Variants in RAPGEF4 observed in about 807,000 individuals in gnomAD.
RAPGEF4 encodes Rap guanine nucleotide exchange factor 4.
RAPGEF4 carries 66 observed loss-of-function variants against 147.9 expected under a neutral mutation model. The observed-to-expected ratio is 0.45, with a 90% CI of 0.37 to 0.55. The LOEUF is 0.55. Among genes scored for constraint, RAPGEF4 ranks in the 20% least tolerant of loss-of-function variants. The probability of loss-of-function intolerance (pLI) is 0.00; values close to 1 mark genes in which losing one functional copy is unlikely to be tolerated. For synonymous variants in RAPGEF4, 419 were observed against 442.7 expected (o/e 0.95, Z 0.67); for missense variants, 1,071 against 1,257.3 (o/e 0.85, Z 2.24).
chr2:172,938,764 A>C (rs1376660456), intron 6 of RAPGEF4, among the ~76,000 whole-genome samples: 1 of 152,186 alleles, frequency 6.6e-6, no homozygotes, highest in Admixed American at 6.5e-5. Context: ...AGTGCCATGT[A>C]TGCACCATTA....
At position 172,814,341 on chromosome 2, in the gene RAPGEF4, C is replaced by CA; in HGVS notation, c.361dup (p.Thr121AsnfsTer14). 1 of 1,614,156 alleles carries CA rather than the reference C, an allele frequency of 6.2e-7. No individual in the cohort carries two copies. Among genetic ancestry groups the CA allele is most frequent in the Non-Finnish European group, 8.5e-7 (1 of 1,180,000 alleles). On this transcript the variant is annotated frameshift_variant, in exon 4 of 31. Coordinates refer to ENST00000397081, the MANE Select transcript of RAPGEF4 (RefSeq NM_007023.4). LOFTEE classifies it high-confidence loss of function. ...CCTTTGGAGAGTCCATTCTGGACAA[C>CA]ACACCCCGCCATGCAACCATCGTTA...
chr2:172,981,232 A>C (rs1691647928), intron 10 of RAPGEF4, among the ~76,000 whole-genome samples: 1 of 152,178 alleles, frequency 6.6e-6, no homozygotes. Flanking sequence ...TGCTGATGTC[A>C]AGTAGCAAGA....
At chr2:173,019,852 AC>A (rs530607253) in intron 22 of RAPGEF4, among the ~76,000 whole-genome samples, 23 of 152,020 alleles carry the variant, frequency 1.5e-4, no homozygotes, top group Non-Finnish European at 2.6e-4. Flanking sequence ...TAAAATGTTA[AC>A]TTCTTCCCCT....
At chr2:172,891,754 C>G (rs920574568) in intron 4 of RAPGEF4, among the ~76,000 whole-genome samples, 5 of 152,106 alleles carry the variant, frequency 3.3e-5, no homozygotes, top group African/African-American at 1.2e-4. Context: ...TGCCTTTATT[C>G]CAATTGACAA....
At chr2:172,925,777 A>AAGAAAGAGAGAGAGAGAG in intron 6 of RAPGEF4, among the ~76,000 whole-genome samples, 1 of 133,894 alleles carries the variant, frequency 7.5e-6, no homozygotes, top group Admixed American at 8.3e-5. Flanking sequence ...GAAAGAAAGA[A>AAGAAAGAGAGAGAGAGAG]AGAGAGAGAG....
intron 29 of RAPGEF4, among the ~76,000 whole-genome samples, chr2:173,040,019 A>G (rs1003026468): frequency 6.6e-6 from 1 of 152,014 alleles, no homozygotes; most frequent in African/African-American, 2.4e-5. Context: ...GTGAAACTCC[A>G]TCTCTCTAAA....
At chr2:172,786,084 C>T (rs12471745) in intron 1 of RAPGEF4, among the ~76,000 whole-genome samples, 9 of 152,104 alleles carry the variant, frequency 5.9e-5, no homozygotes, top group Admixed American at 6.5e-5. Context: ...TTGTGCTCCA[C>T]CTAACTCAGG....
chr2:172,942,568 TAAAAAAA>T (rs60948094), intron 6 of RAPGEF4, among the ~76,000 whole-genome samples: 2 of 107,876 alleles, frequency 1.9e-5, no homozygotes, highest in Admixed American at 9.9e-5. Context: ...TAGAGTCTGG[TAAAAAAA>T]AAAAAAAAAA....
chr2:172,991,006 T>C, intron 15 of RAPGEF4, 81 bp downstream of exon 15: 8 of 1,086,126 alleles, frequency 7.4e-6, no homozygotes, highest in Non-Finnish European at 1.1e-5. Flanking sequence ...AATAGCATGT[T>C]CTCCTTTTTT....
At chr2:172,830,600 T>C (rs893158342) in intron 4 of RAPGEF4, among the ~76,000 whole-genome samples, 2 of 151,652 alleles carry the variant, frequency 1.3e-5, no homozygotes, top group African/African-American at 2.4e-5. Context: ...AGAATCCTGT[T>C]TGTTTGTTTA....
At chr2:172,977,016 AG>A (rs1228044702) in intron 10 of RAPGEF4, among the ~76,000 whole-genome samples, 1 of 152,238 alleles carries the variant, frequency 6.6e-6, no homozygotes, top group Non-Finnish European at 1.5e-5. Flanking sequence ...GTAAAGAAGC[AG>A]GGATGCCTAA....
At position 173,017,409 on chromosome 2, in the gene RAPGEF4, T is replaced by C. The variant is rs780277237; in HGVS notation, c.1930-17T>C. The C allele has an allele frequency of 6.2e-7, 1 of 1,611,698 alleles. No homozygotes were observed. Among genetic ancestry groups the C allele is most frequent in the East Asian group, 2.2e-5 (1 of 44,868 alleles). On this transcript the variant is annotated splice_polypyrimidine_tract_variant and intron_variant, in intron 20 of 30. Coordinates refer to ENST00000397081, the MANE Select transcript of RAPGEF4 (RefSeq NM_007023.4). ...GGTCACTGTCCCTTATGGCACTTGC[T>C]GTGGTTGTTTTTACAGCACAAGGTT...
At chr2:172,829,441 C>T (rs1430231591) in intron 4 of RAPGEF4, among the ~76,000 whole-genome samples, 2 of 152,286 alleles carry the variant, frequency 1.3e-5, no homozygotes, top group South Asian at 2.1e-4. Context: ...GAGGCATCCC[C>T]GGTATGAACT....
At chr2:172,751,754 C>T (rs1189415850) in intron 1 of RAPGEF4, among the ~76,000 whole-genome samples, 1 of 152,196 alleles carries the variant, frequency 6.6e-6, no homozygotes, top group Non-Finnish European at 1.5e-5. Context: ...GAACAGAGGT[C>T]GGGCTGGTTA....
intron 4 of RAPGEF4, among the ~76,000 whole-genome samples, chr2:172,846,614 C>T (rs896018784): frequency 8.5e-5 from 13 of 152,158 alleles, no homozygotes; most frequent in African/African-American, 2.9e-4. Context: ...GTTCTTAGAT[C>T]GTGCATTTAC....
At position 172,990,860 on chromosome 2, in the gene RAPGEF4, G is replaced by T; in HGVS notation, c.1425G>T (p.Leu475Phe). 1 of 1,614,052 alleles carries T rather than the reference G, an allele frequency of 6.2e-7. No individual in the cohort carries two copies. Among genetic ancestry groups the T allele is most frequent in the South Asian group, 1.1e-5 (1 of 91,036 alleles). The change falls in exon 15 of 31, where the codon TTG becomes TTT. Residue 475 changes from leucine (L) to phenylalanine (F), a missense_variant. Leu to Phe is a conservative substitution (Grantham distance 22). Transcript: ENST00000397081. ...TTAAAGAACATGACCAAGATGTCTT[G>T]GTGCTGGAGAAGGTCCCAGCAGGGA... The part of the protein sequence containing the change: ...VRLKEHDQDV[L>F]VLEKVPAGNR...
chr2:172,881,036 G>A (rs1040999753), intron 4 of RAPGEF4, among the ~76,000 whole-genome samples: 81 of 152,084 alleles, frequency 5.3e-4, no homozygotes, highest in African/African-American at 1.5e-3. Flanking sequence ...AATATAATGA[G>A]CATCTCCATT....
intron 18 of RAPGEF4, among the ~76,000 whole-genome samples, chr2:173,015,714 T>TA (rs1251691016): frequency 1.3e-5 from 2 of 152,184 alleles, no homozygotes; most frequent in Non-Finnish European, 2.9e-5. Context: ...CAGGCACACC[T>TA]ACAGCTGCAG....
chr2:172,809,657 A>T (rs1420601854), intron 3 of RAPGEF4, among the ~76,000 whole-genome samples: 1 of 152,078 alleles, frequency 6.6e-6, no homozygotes. Flanking sequence ...CACCCTCTTG[A>T]GTAGCTGGGA....
Sources: gnomAD v4.1 joint callset for allele counts (sites outside exome capture counted in the v4.1 genomes callset) on GRCh38, gnomAD v4.1.1 for gene constraint, MANE v1.5 for transcripts, NCBI Gene and HGNC (gene_info 2026-07-23, HGNC 2026-07-21) for gene names.